The following SPAG6 variants were observed in gnomAD, a reference collection of about 807,000 sequenced individuals.
The protein encoded by SPAG6 is sperm associated antigen 6, also known as sperm-associated antigen 6.
A neutral mutation model predicts 58.5 loss-of-function variants in SPAG6; 49 were observed. The ratio of observed to expected loss-of-function variants is 0.84; its 90% CI spans 0.67 to 1.06. SPAG6 has a LOEUF of 1.06. SPAG6 is among the 50% of genes least tolerant of loss of function. SPAG6 has a pLI of 0.00. For synonymous variants in SPAG6, 233 were observed against 225.6 expected, an observed-to-expected ratio of 1.03 and a Z score of -0.29; for missense variants, 560 against 611.3, an observed-to-expected ratio of 0.92 and a Z score of 0.89.
intron 2 of SPAG6, among the ~76,000 whole-genome samples, chr10:22,356,974 T>A (rs1836887130): frequency 6.6e-6 from 1 of 152,198 alleles, no homozygotes; most frequent in African/African-American, 2.4e-5. Flanking sequence ...AGGACTTTTG[T>A]CTCTATTTAT....
intron 4 of SPAG6, among the ~76,000 whole-genome samples, chr10:22,383,843 A>G (rs978320475): frequency 6.6e-6 from 1 of 152,110 alleles, no homozygotes; most frequent in African/African-American, 2.4e-5. Flanking sequence ...CAATGTTTTT[A>G]TTCCCTTTCC....
At chr10:22,347,063 A>G (rs1231621208) in intron 2 of SPAG6, among the ~76,000 whole-genome samples, 1 of 152,122 alleles carries the variant, frequency 6.6e-6, no homozygotes, top group Non-Finnish European at 1.5e-5. Context: ...GTTTTGTCCT[A>G]TAGAATTTTA....
chr10:22,364,202 TA>T (rs1837127818), intron 2 of SPAG6, among the ~76,000 whole-genome samples: 1 of 152,256 alleles, frequency 6.6e-6, no homozygotes, highest in African/African-American at 2.4e-5. Context: ...ATCTGTAAAA[TA>T]GACATAATAG....
intron 4 of SPAG6, among the ~76,000 whole-genome samples, chr10:22,380,815 G>C (rs1206058725): frequency 6.6e-6 from 1 of 151,926 alleles, no homozygotes; most frequent in East Asian, 1.9e-4. Context: ...GTTAAAAGCA[G>C]TGTTTGAAAA....
intron 2 of SPAG6, among the ~76,000 whole-genome samples, chr10:22,363,473 C>T (rs572589567): frequency 5.3e-5 from 8 of 152,266 alleles, no homozygotes; most frequent in Admixed American, 2.0e-4. Flanking sequence ...TACCAGCCTT[C>T]GTGGGATTCA....
Position 22,345,705 on chromosome 10 carries a change from C to T in SPAG6, c.26-18C>T, listed in dbSNP as rs1490730469. ...GAGACCCGGGTGCGGTGGGCTCCAC[C>T]GACTCTCTCTCCCGCAGTGTTCGAG... On this transcript the variant is annotated intron_variant, in intron 1 of 10. Coordinates refer to ENST00000376624, the MANE Select transcript of SPAG6 (RefSeq NM_012443.4). This position sits in a 1 kb window ranked among gnomAD's most constrained non-coding sequence, Gnocchi z 6.3. The T allele has an allele frequency of 1.2e-6, 2 of 1,605,134 alleles. No homozygotes were observed. The highest frequency in any genetic ancestry group is 1.1e-5 in the South Asian group (1 of 89,602).
At chr10:22,347,790 T>A (rs1314596888) in intron 2 of SPAG6, among the ~76,000 whole-genome samples, 1 of 152,252 alleles carries the variant, frequency 6.6e-6, no homozygotes, top group Non-Finnish European at 1.5e-5. Flanking sequence ...TATAACTTTA[T>A]GTTTTGAAAT....
In SPAG6 at chr10:22,368,533, A is replaced by C. The variant is rs778425071; in HGVS notation, c.327A>C (p.Ala109=). 1.2e-6 allele frequency: 2 copies of C among 1,614,006 alleles called. No homozygotes were observed. Among genetic ancestry groups the C allele is most frequent in the Non-Finnish European group, 1.7e-6 (2 of 1,179,938 alleles). Residue 109 remains alanine, a synonymous_variant, in exon 4 of 11, where the codon GCA becomes GCC. Coordinates refer to ENST00000376624, the MANE Select transcript of SPAG6 (RefSeq NM_012443.4). ...AAGCAGCTGCCTTTGTGTTACGAGC[A>C]GTTGGTAAACATTCTCCCCAGCTAG... ...YKKAAAFVLR[A]VGKHSPQLAQ...
At chr10:22,372,007 G>A (rs1304933362) in intron 4 of SPAG6, among the ~76,000 whole-genome samples, 1 of 151,976 alleles carries the variant, frequency 6.6e-6, no homozygotes, top group Non-Finnish European at 1.5e-5. Context: ...CTCTGACTTT[G>A]CAGATAAATA....
At position 22,391,798 on chromosome 10, in the gene SPAG6, G is replaced by A. The variant is rs762828104; in HGVS notation, c.1075G>A (p.Ala359Thr). ...TCATATTAAGGCTGCAGCTGCTTGG[G>A]CCTTAGGACAGATTGGAAGACACAC... ...EDHIKAAAAWALGQIGRHTPE... is the reference protein window; with the variant it reads ...EDHIKAAAAWTLGQIGRHTPE... Residue 359 changes from alanine to threonine, a missense_variant, in exon 8 of 11, where the codon GCC becomes ACC. Coordinates refer to ENST00000376624, the MANE Select transcript of SPAG6 (RefSeq NM_012443.4). The A allele has an allele frequency of 6.2e-7, 1 of 1,613,602 alleles. No homozygotes were observed. Among genetic ancestry groups the A allele is most frequent in the South Asian group, 1.1e-5 (1 of 91,070 alleles).
chr10:22,372,860 A>T (rs2132060637), intron 4 of SPAG6, among the ~76,000 whole-genome samples: 1 of 152,302 alleles, frequency 6.6e-6, no homozygotes, highest in African/African-American at 2.4e-5. Flanking sequence ...CAACTTTTAA[A>T]TTATTGATAT....
chr10:22,372,534 C>T (rs936347813), intron 4 of SPAG6, among the ~76,000 whole-genome samples: 2 of 152,096 alleles, frequency 1.3e-5, no homozygotes, highest in African/African-American at 2.4e-5. Flanking sequence ...GCCCTCCTCC[C>T]CTGGTCCCCA....
chr10:22,410,913 A>T, intron 9 of SPAG6, 118 bp from the exon 10 acceptor site: 3 of 980,216 alleles, frequency 3.1e-6, no homozygotes, highest in Non-Finnish European at 4.4e-6. Context: ...TCATTATGTT[A>T]TAGGTATATT....
chr10:22,403,704 C>T (rs1253030970), intron 9 of SPAG6, among the ~76,000 whole-genome samples: 4 of 145,738 alleles, frequency 2.7e-5, no homozygotes, highest in Non-Finnish European at 6.0e-5. Flanking sequence ...CCTGAGGAAT[C>T]GCCACACTGA....
At chr10:22,385,309 TCTGAG>T (rs546310556) in intron 4 of SPAG6, among the ~76,000 whole-genome samples, 1 of 152,276 alleles carries the variant, frequency 6.6e-6, no homozygotes, top group East Asian at 1.9e-4. Context: ...AGAGGCTGTT[TCTGAG>T]GAACCTGTTG....
chr10:22,368,551 C>T lies in SPAG6; in HGVS notation c.345C>T (p.Pro115=). Reference sequence around the variant, plus strand: ...TACGAGCAGTTGGTAAACATTCTCCCCAGCTAGCTCAGGCAATAGTCGATT... The same window carrying T: ...TACGAGCAGTTGGTAAACATTCTCCTCAGCTAGCTCAGGCAATAGTCGATT... ...FVLRAVGKHS[P]QLAQAIVDCG... is the part of the protein sequence containing the mutation. The change falls in exon 4 of 11, where the codon CCC becomes CCT. Residue 115 remains proline, a synonymous_variant. Transcript: ENST00000376624. 8.7e-6 allele frequency: 14 copies of T among 1,613,912 alleles called. No individual in the cohort carries two copies. The highest frequency in any genetic ancestry group is 1.1e-5 in the Non-Finnish European group (13 of 1,179,936).
chr10:22,412,476 C>G, intron 10 of SPAG6: 1 of 1,531,676 alleles, frequency 6.5e-7, no homozygotes, highest in Non-Finnish European at 8.7e-7. Context: ...AGTTTGTGCA[C>G]TTTTTAGGAA....
chr10:22,407,485 T>C (rs1464814766), intron 9 of SPAG6, among the ~76,000 whole-genome samples: 2 of 152,224 alleles, frequency 1.3e-5, no homozygotes, highest in African/African-American at 4.8e-5. Context: ...TTCTGGCTTA[T>C]AGAGTTTCTG....
At chr10:22,351,942 G>T (rs1313008084) in intron 2 of SPAG6, among the ~76,000 whole-genome samples, 1 of 152,160 alleles carries the variant, frequency 6.6e-6, no homozygotes, top group African/African-American at 2.4e-5. Context: ...GGAGGCCGAG[G>T]TGGGTGAATC....
Sources: gnomAD v4.1 joint callset for allele counts (sites outside exome capture counted in the v4.1 genomes callset) on GRCh38, gnomAD v4.1.1 for gene constraint, Gnocchi (gnomAD v3.1) non-coding constraint, MANE v1.5 for transcripts, NCBI Gene and HGNC (gene_info 2026-07-23, HGNC 2026-07-21) for gene names.